Variants in ZNF700 observed in about 807,000 individuals in gnomAD.
ZNF700 encodes zinc finger protein 700.
ZNF700 carries 38 observed loss-of-function variants against 65.3 expected under a neutral mutation model. That is an observed-to-expected ratio of 0.58 (90% CI 0.45 to 0.76). The LOEUF is 0.76. Ranked by LOEUF, ZNF700 falls within the 30% of genes least tolerant of loss-of-function variation. ZNF700 has a pLI of 0.00. For synonymous variants in ZNF700, 285 were observed against 290.4 expected (o/e 0.98, Z 0.19); for missense variants, 857 against 888.4 (o/e 0.96, Z 0.45).
chr19:11,949,371 G>A lies in ZNF700; in HGVS notation c.1347G>A (p.Lys449=). ...CTGGAGAGAAACCCTATGAATGTAA[G>A]GAATGTGGGAAAGCCTTCAGATCTA... ...THTGEKPYEC[K]ECGKAFRSTS... Residue 449 remains lysine, a synonymous_variant, in exon 4 of 4, where the codon AAG becomes AAA. Coordinates refer to ENST00000254321, the MANE Select transcript of ZNF700 (RefSeq NM_144566.3). The A allele has an allele frequency of 6.2e-7, 1 of 1,613,586 alleles. No individual in the cohort carries two copies. The highest frequency in any genetic ancestry group is 8.5e-7 in the Non-Finnish European group (1 of 1,179,894).
intron 1 of ZNF700, among the ~76,000 whole-genome samples, chr19:11,927,033 A>G (rs928210671): frequency 1.3e-5 from 2 of 152,154 alleles, no homozygotes; most frequent in Admixed American, 1.3e-4. Flanking sequence ...GACGAGTCAC[A>G]AAGTGCAGTG....
intron 1 of ZNF700, chr19:11,946,784 T>C (rs1972965861): frequency 6.2e-6 from 1 of 161,832 alleles, no homozygotes; most frequent in Admixed American, 6.4e-5. Context: ...TGGGCTTACT[T>C]TGTGTCTGAC....
At position 11,950,638 on chromosome 19, in the gene ZNF700, C is replaced by T; in HGVS notation, c.*385C>T. 2 of 361,380 alleles carry T rather than the reference C, an allele frequency of 5.5e-6. No homozygotes were observed. The highest frequency in any genetic ancestry group is 1.1e-5 in the Non-Finnish European group (2 of 183,224). 22.4% of individuals were successfully genotyped at this position (361,380 alleles called of 1,614,324 possible). A position where few individuals can be genotyped will look rare whatever the true frequency, so the allele number is the denominator to read the frequency against. ...TATGAATGTAAGCAGTATGGGAAAG[C>T]CTTCAGATCTGCCAAGATTCTTTGA... On this transcript the variant is annotated 3_prime_UTR_variant, in exon 4 of 4. Coordinates refer to ENST00000254321, the MANE Select transcript of ZNF700 (RefSeq NM_144566.3).
rs1251412315 is a variant in ZNF700 at position 11,949,949 on chromosome 19, A to C, written c.1925A>C (p.His642Pro). The part of the protein sequence containing the change: ...ASNLQMHERT[H>P]TGEKPYECKE... The stretch of plus-strand genomic sequence containing the variant: ...AACCTTCAGATGCATGAAAGGACTC[A>C]CACTGGAGAGAAACCCTATGAATGT... The change falls in exon 4 of 4, where the codon CAC (histidine) becomes CCC (proline). Residue 642 changes from histidine to proline, a missense_variant. Physicochemically the swap from His to Pro is moderately conservative, Grantham distance 77. Coordinates refer to ENST00000254321, the MANE Select transcript of ZNF700 (RefSeq NM_144566.3). 1 of 1,614,172 alleles carries C rather than the reference A, an allele frequency of 6.2e-7. No homozygotes were observed. Among genetic ancestry groups the C allele is most frequent in the South Asian group, 1.1e-5 (1 of 91,088 alleles).
chr19:11,937,460 CTTTATAGTAGA>C (rs1972813221), intron 1 of ZNF700, among the ~76,000 whole-genome samples: 1 of 147,432 alleles, frequency 6.8e-6, no homozygotes. Context: ...TAATACATGT[CTTTATAGTAGA>C]TTTTTCTTTT....
At chr19:11,928,953 G>A (rs1972675598) in intron 1 of ZNF700, among the ~76,000 whole-genome samples, 1 of 147,296 alleles carries the variant, frequency 6.8e-6, no homozygotes, top group Admixed American at 6.7e-5. Context: ...AAAAAAAATA[G>A]TGGAGAGGGA....
At position 11,950,016 on chromosome 19, in the gene ZNF700, A is replaced by G; in HGVS notation, c.1992A>G (p.Gln664=). ...CATTCTGTAAATTCTCTTCTTTTCA[A>G]ATACATGAAAGGAAGCACAGAGGAG... ...EKAFCKFSSF[Q]IHERKHRGEK... The change falls in exon 4 of 4, where the codon CAA becomes CAG. Residue 664 remains glutamine (Q), a synonymous_variant. Transcript: ENST00000254321. 1 of 1,614,080 alleles carries G rather than the reference A, an allele frequency of 6.2e-7. No homozygotes were observed. The highest frequency in any genetic ancestry group is 8.5e-7 in the Non-Finnish European group (1 of 1,179,992).
intron 1 of ZNF700, among the ~76,000 whole-genome samples, chr19:11,943,156 G>A (rs1972910781): frequency 6.6e-6 from 1 of 152,096 alleles, no homozygotes; most frequent in Non-Finnish European, 1.5e-5. Context: ...TCCTAGTGCT[G>A]GAAACCATTT....
chr19:11,949,590 A>G lies in ZNF700; in HGVS notation c.1566A>G (p.Ser522=), dbSNP rs374255346. 4 of 1,612,496 alleles carry G rather than the reference A, an allele frequency of 2.5e-6. No homozygotes were observed. Among genetic ancestry groups the G allele is most frequent in the Non-Finnish European group, 2.5e-6 (3 of 1,179,718 alleles). Residue 522 remains serine (S), a synonymous_variant, in exon 4 of 4, where the codon TCA becomes TCG. Coordinates refer to ENST00000254321, the MANE Select transcript of ZNF700 (RefSeq NM_144566.3). ...AGAAAGGCTTTTATTCTGCCAAGTCATTTCAAACACATGAAAAAACTCACA... is the reference window on the plus strand; with the variant it reads ...AGAAAGGCTTTTATTCTGCCAAGTCGTTTCAAACACATGAAAAAACTCACA... ...ICEKGFYSAK[S]FQTHEKTHTG...
At position 11,950,087 on chromosome 19, in the gene ZNF700, C is replaced by CCAAGATTCTTCAAATACATG; in HGVS notation, c.2069_2088dup (p.Thr697PhefsTer131). ...CATTGTGGGAATGGATTCACATCTGCCAAGATTCTTCAAATACATGCAAGA... is the reference window on the plus strand; with the variant it reads ...CATTGTGGGAATGGATTCACATCTGCCAAGATTCTTCAAATACATGCAAGATTCTTCAAATACATGCAAGA... On this transcript the variant is annotated frameshift_variant, in exon 4 of 4. Coordinates refer to ENST00000254321, the MANE Select transcript of ZNF700 (RefSeq NM_144566.3). LOFTEE classifies it high-confidence loss of function. The CCAAGATTCTTCAAATACATG allele has an allele frequency of 6.2e-7, 1 of 1,614,168 alleles. No homozygotes were observed. The highest frequency in any genetic ancestry group is 8.5e-7 in the Non-Finnish European group (1 of 1,180,010).
intron 3 of ZNF700, among the ~76,000 whole-genome samples, 196 bp from the exon 4 acceptor site, chr19:11,948,080 T>C (rs1195715663): frequency 2.0e-5 from 3 of 152,178 alleles, no homozygotes; most frequent in Non-Finnish European, 4.4e-5. Flanking sequence ...AAGAAGCCCC[T>C]TATGAATATT....
rs1973053757 is a variant in ZNF700, at chr19:11,950,669, GATA to G, written c.*419_*421del. 1 of 283,538 alleles carries G rather than the reference GATA, an allele frequency of 3.5e-6. No individual in the cohort carries two copies. The highest frequency in any genetic ancestry group is 4.6e-5 in the Admixed American group (1 of 21,848). The allele number at this position is 283,538 out of a possible 1,614,324, so 17.6% of individuals were successfully genotyped here. A position where few individuals can be genotyped will look rare whatever the true frequency, so the allele number is the denominator to read the frequency against. Reference sequence around the variant, plus strand: ...GATCTGCCAAGATTCTTTGAATACAGATAATTAATGTAAACAATTATCATAAGT... The same window carrying G: ...GATCTGCCAAGATTCTTTGAATACAGATTAATGTAAACAATTATCATAAGT... On this transcript the variant is annotated 3_prime_UTR_variant, in exon 4 of 4. Coordinates refer to ENST00000254321, the MANE Select transcript of ZNF700 (RefSeq NM_144566.3).
At chr19:11,928,814 T>C (rs1972673900) in intron 1 of ZNF700, among the ~76,000 whole-genome samples, 1 of 146,564 alleles carries the variant, frequency 6.8e-6, no homozygotes, top group Non-Finnish European at 1.5e-5. Flanking sequence ...GTAGGATGGC[T>C]CACACCTGTA....
rs540847419 is a variant in ZNF700 at position 11,934,264 on chromosome 19, C to T, written c.63+8991C>T. On this transcript the variant is annotated intron_variant, in intron 1 of 3. Coordinates refer to ENST00000254321, the MANE Select transcript of ZNF700 (RefSeq NM_144566.3). ...GCTGCTAAAAACGTCTGTGGGAGGA[C>T]TTTTGTGTGGACATCAGTTTTCAGT... 2.7e-5 allele frequency among the ~76,000 whole-genome samples: 4 copies of T among 147,930 alleles called. No individual in the cohort carries two copies. The East Asian group carries it at 7.7e-4, about 29-fold the overall frequency.
At chr19:11,946,558 T>C (rs1972962729) in intron 1 of ZNF700, among the ~76,000 whole-genome samples, 2 of 152,148 alleles carry the variant, frequency 1.3e-5, no homozygotes, top group Admixed American at 1.3e-4. Flanking sequence ...AGTGTCTGTG[T>C]ACAGGAACTT....
chr19:11,942,219 G>C (rs902185619), intron 1 of ZNF700, among the ~76,000 whole-genome samples: 1 of 150,798 alleles, frequency 6.6e-6, no homozygotes, highest in South Asian at 2.1e-4. Flanking sequence ...GTCCCTGGGG[G>C]TGTGGGCTTT....
chr19:11,925,113 C>G lies in ZNF700; in HGVS notation c.-98C>G. Reference sequence around the variant, plus strand: ...AAATGGAGGGGGTCGCTTTCCTCACCTTCCTCGCTGCGCGGGCGGCGGTTG... The same window carrying G: ...AAATGGAGGGGGTCGCTTTCCTCACGTTCCTCGCTGCGCGGGCGGCGGTTG... On this transcript the variant is annotated 5_prime_UTR_variant, in exon 1 of 4. Transcript: ENST00000254321. 6.8e-7 allele frequency: 1 copy of G among 1,470,816 alleles called. No homozygotes were observed. The highest frequency in any genetic ancestry group is 9.4e-7 in the Non-Finnish European group (1 of 1,067,674). The allele number at this position is 1,470,816 out of a possible 1,614,324, so 91.1% of individuals were successfully genotyped here.
chr19:11,928,186 A>G (rs1972660796), intron 1 of ZNF700, among the ~76,000 whole-genome samples: 1 of 152,000 alleles, frequency 6.6e-6, no homozygotes, highest in Non-Finnish European at 1.5e-5. Context: ...AGGTCTCGTT[A>G]TGTTGCCCAG....
At chr19:11,945,406 C>A (rs1194584231) in intron 1 of ZNF700, among the ~76,000 whole-genome samples, 1 of 152,158 alleles carries the variant, frequency 6.6e-6, no homozygotes, top group Non-Finnish European at 1.5e-5. Context: ...CCTGTACTGG[C>A]CTGTAGTTCT....
Sources: gnomAD v4.1 joint callset for allele counts (sites outside exome capture counted in the v4.1 genomes callset) on GRCh38, gnomAD v4.1.1 for gene constraint, MANE v1.5 for transcripts, NCBI Gene and HGNC (gene_info 2026-07-23, HGNC 2026-07-21) for gene names.